BIN1: variants seen among roughly 807,000 people sequenced by gnomAD.
BIN1 encodes myc box-dependent-interacting protein 1.
Under a neutral mutation model 82.0 loss-of-function variants are expected in BIN1, and 53 were observed. The ratio of observed to expected loss-of-function variants is 0.65; its 90% CI spans 0.52 to 0.81. The LOEUF (loss-of-function observed/expected upper bound fraction) is 0.81, where lower values mean the gene tolerates loss of function less well. Ranked by LOEUF, BIN1 falls within the 40% of genes least tolerant of loss-of-function variation. BIN1 has a pLI of 0.00. For synonymous variants in BIN1, 302 were observed against 328.0 expected, an observed-to-expected ratio of 0.92 and a Z score of 0.86; for missense variants, 642 against 784.4, an observed-to-expected ratio of 0.82 and a Z score of 2.17.
intron 1 of BIN1, 98 bp from the exon 2 acceptor site, chr2:127,076,804 G>A (rs1175313570): frequency 3.6e-6 from 5 of 1,392,538 alleles, no homozygotes; most frequent in Non-Finnish European, 5.1e-6. Flanking sequence ...CAGGGGCTGG[G>A]AAGTCTCTAG....
At chr2:127,104,061 A>G (rs1463813583) in intron 1 of BIN1, among the ~76,000 whole-genome samples, 1 of 152,226 alleles carries the variant, frequency 6.6e-6, no homozygotes, top group Non-Finnish European at 1.5e-5. Flanking sequence ...CAGGCCAGAC[A>G]CATGCACCCT....
At position 127,050,536 on chromosome 2, in the gene BIN1, G is replaced by T; in HGVS notation, c.1573-14C>A. The stretch of plus-strand genomic sequence containing the variant: ...CTGGGCCTGTACCTGCAGAGGATGC[G>T]GATCGCAAGTCAGACCTTCCGTCCC... On this transcript the variant is annotated splice_polypyrimidine_tract_variant and intron_variant, in intron 17 of 18. Coordinates refer to ENST00000316724, the MANE Select transcript of BIN1 (RefSeq NM_139343.3). 6.2e-7 allele frequency: 1 copy of T among 1,613,996 alleles called. No individual in the cohort carries two copies. Among genetic ancestry groups the T allele is most frequent in the Non-Finnish European group, 8.5e-7 (1 of 1,179,870 alleles).
rs1407661842 is a variant in BIN1, at chr2:127,059,189, T to TG, written c.858-35dup. On this transcript the variant is annotated intron_variant, in intron 10 of 18. Transcript: ENST00000316724. This position sits in a 1 kb window ranked among gnomAD's most constrained non-coding sequence, Gnocchi z 6.7. ...GAGGACAAGAAAGGGAGCCCAGTGT[T>TG]GGGGGGCCAAGGCACAGGAGACGGA... 6.4e-7 allele frequency: 1 copy of TG among 1,554,720 alleles called. No individual in the cohort carries two copies. The highest frequency in any genetic ancestry group is 8.7e-7 in the Non-Finnish European group (1 of 1,150,776).
chr2:127,048,681 C>T (rs1682485476), intron 18 of BIN1, 48 bp from the exon 19 acceptor site: 2 of 1,570,000 alleles, frequency 1.3e-6, no homozygotes, highest in Non-Finnish European at 8.8e-7. Context: ...AGGGGCTCCA[C>T]CCCACAGGGC....
chr2:127,095,805 G>A (rs140627556), intron 1 of BIN1, among the ~76,000 whole-genome samples: 5 of 152,324 alleles, frequency 3.3e-5, no homozygotes, highest in Admixed American at 1.3e-4. Context: ...AATGGAAAGC[G>A]GCGGGTGTGA....
rs748943353 is a variant in BIN1, at chr2:127,069,043, A to G, written c.412-12T>C. The G allele has an allele frequency of 6.2e-7, 1 of 1,613,218 alleles. No individual in the cohort carries two copies. The highest frequency in any genetic ancestry group is 8.5e-7 in the Non-Finnish European group (1 of 1,179,390). On this transcript the variant is annotated splice_polypyrimidine_tract_variant and intron_variant, in intron 5 of 18. Coordinates refer to ENST00000316724, the MANE Select transcript of BIN1 (RefSeq NM_139343.3). ...TTGGCAATGCGTGACTGGGGCAGAC[A>G]GAGGAGGGCACTAAGCGGGGCCTGG...
At chr2:127,099,450 A>T (rs145345591) in intron 1 of BIN1, among the ~76,000 whole-genome samples, 2 of 152,294 alleles carry the variant, frequency 1.3e-5, no homozygotes, top group East Asian at 3.9e-4. Flanking sequence ...CCATCATCTC[A>T]TTAAAGAAAT....
chr2:127,107,051 T>A lies in BIN1; in HGVS notation c.-108A>T. The A allele has an allele frequency of 1.7e-6, 2 of 1,153,446 alleles. No homozygotes were observed. Among genetic ancestry groups the A allele is most frequent in the East Asian group, 3.3e-5 (1 of 30,490 alleles). The allele number at this position is 1,153,446 out of a possible 1,614,324, so 71.5% of individuals were successfully genotyped here. On this transcript the variant is annotated 5_prime_UTR_variant, in exon 1 of 19. Coordinates refer to ENST00000316724, the MANE Select transcript of BIN1 (RefSeq NM_139343.3). This position sits in a 1 kb window ranked among gnomAD's most constrained non-coding sequence, Gnocchi z 5.9. ...GCCGCGCGTCCAGACCGGCTGCCGCTCCACGCCGCGCACCCGACAGCGGAG... is the reference window on the plus strand; with the variant it reads ...GCCGCGCGTCCAGACCGGCTGCCGCACCACGCCGCGCACCCGACAGCGGAG...
At chr2:127,096,501 G>A (rs569508436) in intron 1 of BIN1, among the ~76,000 whole-genome samples, 1 of 152,292 alleles carries the variant, frequency 6.6e-6, no homozygotes, top group East Asian at 1.9e-4. Flanking sequence ...CTTGCCCAGC[G>A]CCACACAGCG....
At chr2:127,084,005 G>A (rs560086916) in intron 1 of BIN1, among the ~76,000 whole-genome samples, 28 of 152,344 alleles carry the variant, frequency 1.8e-4, no homozygotes, top group African/African-American at 6.7e-4. Flanking sequence ...TTAGTCATCT[G>A]CAGGACAATC....
intron 1 of BIN1, among the ~76,000 whole-genome samples, chr2:127,101,372 T>C (rs1223575504): frequency 6.6e-6 from 1 of 152,118 alleles, no homozygotes; most frequent in Non-Finnish European, 1.5e-5. Context: ...CCCAATCCAC[T>C]TGCTGTGTGA....
chr2:127,062,074 G>A (rs373378140), intron 10 of BIN1, 41 bp downstream of exon 10: 14 of 1,561,396 alleles, frequency 9.0e-6, no homozygotes, highest in Middle Eastern at 3.3e-4. Flanking sequence ...TGCCCCTGCC[G>A]TGCACACAGT....
intron 18 of BIN1, among the ~76,000 whole-genome samples, chr2:127,049,851 G>A (rs1310440155): frequency 6.6e-6 from 1 of 152,230 alleles, no homozygotes; most frequent in East Asian, 1.9e-4. Flanking sequence ...AGATTAACAT[G>A]AAGCCACAGC....
intron 1 of BIN1, among the ~76,000 whole-genome samples, chr2:127,091,041 G>A (rs1034148232): frequency 1.3e-5 from 2 of 152,082 alleles, no homozygotes; most frequent in Admixed American, 6.5e-5. Flanking sequence ...CAAAGTCCTC[G>A]GTTTCTATAT....
At chr2:127,098,234 G>A (rs1573802223) in intron 1 of BIN1, among the ~76,000 whole-genome samples, 1 of 152,326 alleles carries the variant, frequency 6.6e-6, no homozygotes, top group South Asian at 2.1e-4. Flanking sequence ...GATGCCCCAG[G>A]GGCTCTGAGG....
At chr2:127,053,310 G>T (rs1378649095) in intron 14 of BIN1, 112 bp downstream of exon 14, 2 of 1,453,852 alleles carry the variant, frequency 1.4e-6, no homozygotes, top group Non-Finnish European at 1.9e-6. Context: ...CCTGCGTGTG[G>T]GGGGTGTGTG....
chr2:127,070,758 C>G lies in BIN1; in HGVS notation c.220+4G>C. 6.2e-7 allele frequency: 1 copy of G among 1,613,854 alleles called. No homozygotes were observed. Among genetic ancestry groups the G allele is most frequent in the Non-Finnish European group, 8.5e-7 (1 of 1,179,974 alleles). On this transcript the variant is annotated splice_donor_region_variant and intron_variant, in intron 3 of 18. Transcript: ENST00000316724. Reference sequence around the variant, plus strand: ...GGGCCAGGTGCGCTCTGCCTGCCTCCTACCTTTGACGGAGGCCAGGTAGGT... The same window carrying G: ...GGGCCAGGTGCGCTCTGCCTGCCTCGTACCTTTGACGGAGGCCAGGTAGGT...
chr2:127,078,856 C>A (rs1314620715), intron 1 of BIN1, among the ~76,000 whole-genome samples: 2 of 150,702 alleles, frequency 1.3e-5, no homozygotes, highest in Non-Finnish European at 3.0e-5. Context: ...ACCCACCCCA[C>A]AGCCCCACCC....
chr2:127,100,890 C>A (rs1015307293), intron 1 of BIN1, among the ~76,000 whole-genome samples: 13 of 152,058 alleles, frequency 8.5e-5, no homozygotes, highest in Admixed American at 2.0e-4. Context: ...CAGCACATTT[C>A]GATTTCGTCT....
Sources: gnomAD v4.1 joint callset for allele counts (sites outside exome capture counted in the v4.1 genomes callset) on GRCh38, gnomAD v4.1.1 for gene constraint, Gnocchi (gnomAD v3.1) non-coding constraint, MANE v1.5 for transcripts, NCBI Gene and HGNC (gene_info 2026-07-23, HGNC 2026-07-21) for gene names.